CA10: variants seen among roughly 807,000 people sequenced by gnomAD.
The protein encoded by CA10 is carbonic anhydrase 10 (inactive).
Under a neutral mutation model 44.2 loss-of-function variants are expected in CA10, and 14 were observed. The ratio of observed to expected loss-of-function variants is 0.32; its 90% confidence interval spans 0.21 to 0.50. The LOEUF (loss-of-function observed/expected upper bound fraction) is 0.50, where lower values mean the gene tolerates loss of function less well. CA10 is among the 20% of genes least tolerant of loss of function. CA10 has a pLI of 0.99. For synonymous variants in CA10, 159 were observed against 141.6 expected, an observed-to-expected ratio of 1.12 and a Z score of -0.87; for missense variants, 350 against 409.7, an observed-to-expected ratio of 0.85 and a Z score of 1.26.
chr17:51,737,472 A>T (rs1916949825), intron 4 of CA10, among the ~76,000 whole-genome samples: 1 of 152,102 alleles, frequency 6.6e-6, no homozygotes, highest in Non-Finnish European at 1.5e-5. Context: ...CTTGTACAGC[A>T]CTTTATGGCT....
At chr17:51,789,655 T>A (rs1906433808) in intron 3 of CA10, among the ~76,000 whole-genome samples, 3 of 152,158 alleles carry the variant, frequency 2.0e-5, no homozygotes. Context: ...GACTAACATA[T>A]CCTCCCTTCC....
chr17:52,159,544 G>A (rs949638753), upstream of CA10: 5 of 152,320 alleles, frequency 3.3e-5, no homozygotes, highest in Admixed American at 3.3e-4. Flanking sequence ...CTGGGCTCCA[G>A]GATACTTTCC....
chr17:51,778,089 C>T (rs1905901366), intron 3 of CA10, among the ~76,000 whole-genome samples: 1 of 152,156 alleles, frequency 6.6e-6, no homozygotes, highest in Non-Finnish European at 1.5e-5. Flanking sequence ...AGTCCAAGTA[C>T]CTTTTGTTGA....
intron 3 of CA10, among the ~76,000 whole-genome samples, chr17:51,883,243 TTC>T (rs1228585748): frequency 2.0e-5 from 3 of 152,132 alleles, no homozygotes; most frequent in Non-Finnish European, 4.4e-5. Flanking sequence ...ACAATAAATT[TTC>T]TTTCTCTCTT....
intron 4 of CA10, among the ~76,000 whole-genome samples, chr17:51,717,743 A>ATG (rs1916187098): frequency 7.9e-5 from 4 of 50,730 alleles, no homozygotes; most frequent in African/African-American, 1.3e-4. Context: ...ATACGTATAT[A>ATG]TACATGTATA....
At chr17:51,702,575 G>A (rs1915638096) in intron 4 of CA10, among the ~76,000 whole-genome samples, 1 of 152,214 alleles carries the variant, frequency 6.6e-6, no homozygotes, top group African/African-American at 2.4e-5. Flanking sequence ...GCTTCCACCT[G>A]GACCCCAGAC....
chr17:51,744,516 A>G (rs964812906), intron 4 of CA10, among the ~76,000 whole-genome samples: 1 of 152,062 alleles, frequency 6.6e-6, no homozygotes, highest in East Asian at 1.9e-4. Flanking sequence ...GGGCCAAGAC[A>G]AAAGAATTGA....
intron 6 of CA10, among the ~76,000 whole-genome samples, chr17:51,641,899 C>T (rs961913066): frequency 6.6e-6 from 1 of 152,032 alleles, no homozygotes; most frequent in East Asian, 1.9e-4. Context: ...ATGAAGTTCC[C>T]ATTTGAAGAG....
chr17:51,949,015 GAAA>G (rs1983386551), intron 2 of CA10, among the ~76,000 whole-genome samples: 1 of 151,946 alleles, frequency 6.6e-6, no homozygotes, highest in East Asian at 1.9e-4. Flanking sequence ...TCATATATAA[GAAA>G]AATAAATAAA....
chr17:52,033,848 A>G (rs1344934283), intron 2 of CA10, among the ~76,000 whole-genome samples: 2 of 152,218 alleles, frequency 1.3e-5, no homozygotes, highest in Non-Finnish European at 2.9e-5. Flanking sequence ...GAGATTATTC[A>G]GCTTTTAAAA....
chr17:51,741,174 AT>A (rs1904448046), intron 4 of CA10, among the ~76,000 whole-genome samples: 4 of 152,160 alleles, frequency 2.6e-5, no homozygotes, highest in Non-Finnish European at 5.9e-5. Flanking sequence ...GCAGCCACCT[AT>A]GGGCATGACT....
intron 4 of CA10, among the ~76,000 whole-genome samples, chr17:51,705,653 C>T (rs914472527): frequency 6.6e-6 from 1 of 152,082 alleles, no homozygotes; most frequent in African/African-American, 2.4e-5. Flanking sequence ...AGAAATCCAC[C>T]CATATGTTGT....
intron 3 of CA10, among the ~76,000 whole-genome samples, chr17:51,835,294 T>C (rs1032622258): frequency 6.6e-6 from 1 of 152,082 alleles, no homozygotes; most frequent in African/African-American, 2.4e-5. Context: ...GGCAGCAAGG[T>C]TGGCATTTTA....
intron 2 of CA10, among the ~76,000 whole-genome samples, chr17:52,012,918 A>T (rs1262704509): frequency 1.3e-5 from 2 of 151,944 alleles, no homozygotes; most frequent in African/African-American, 4.8e-5. Flanking sequence ...TCTGCTGTAG[A>T]TAGGGAGTTA....
chr17:51,859,056 T>C (rs566014843), intron 3 of CA10, among the ~76,000 whole-genome samples: 1 of 152,228 alleles, frequency 6.6e-6, no homozygotes, highest in Non-Finnish European at 1.5e-5. Context: ...TAATTATTAA[T>C]TAATTGTTAG....
At chr17:51,699,138 T>C (rs1915500533) in intron 4 of CA10, among the ~76,000 whole-genome samples, 1 of 151,936 alleles carries the variant, frequency 6.6e-6, no homozygotes, top group African/African-American at 2.4e-5. Context: ...CTGGGCAACA[T>C]GGTGAAACCC....
intron 2 of CA10, among the ~76,000 whole-genome samples, chr17:51,958,639 G>T (rs536797556): frequency 6.6e-6 from 1 of 152,132 alleles, no homozygotes; most frequent in Admixed American, 6.5e-5. Context: ...GTAATATCTG[G>T]GCTCTTTTCT....
At chr17:52,126,257 G>A (rs1989116928) in intron 1 of CA10, among the ~76,000 whole-genome samples, 1 of 152,150 alleles carries the variant, frequency 6.6e-6, no homozygotes, top group South Asian at 2.1e-4. Context: ...TAGCAAGGGT[G>A]GCTATGAGGC....
intron 3 of CA10, among the ~76,000 whole-genome samples, chr17:51,877,450 T>C (rs1189860542): frequency 1.3e-5 from 2 of 152,228 alleles, no homozygotes; most frequent in Non-Finnish European, 2.9e-5. Flanking sequence ...TGATTGCTAC[T>C]ATTATAACTA....
Sources: gnomAD v4.1 joint callset for allele counts (sites outside exome capture counted in the v4.1 genomes callset) on GRCh38, gnomAD v4.1.1 for gene constraint, MANE v1.5 for transcripts, NCBI Gene and HGNC (gene_info 2026-07-23, HGNC 2026-07-21) for gene names.